EHHADH: variants seen among roughly 807,000 people sequenced by gnomAD.
EHHADH encodes enoyl-CoA hydratase and 3-hydroxyacyl CoA dehydrogenase, also known as peroxisomal bifunctional enzyme.
Under a neutral mutation model 64.4 loss-of-function variants are expected in EHHADH, and 48 were observed. The ratio of observed to expected loss-of-function variants is 0.75; its 90% CI spans 0.59 to 0.95. The LOEUF (loss-of-function observed/expected upper bound fraction) is 0.95. Among genes scored for constraint, EHHADH ranks in the 40% least tolerant of loss-of-function variants. The pLI, the probability that EHHADH is intolerant of heterozygous loss-of-function variation, is 0.00. For synonymous variants in EHHADH, 308 were observed against 326.7 expected, an observed-to-expected ratio of 0.94 and a Z score of 0.62; for missense variants, 854 against 876.6, an observed-to-expected ratio of 0.97 and a Z score of 0.33.
At chr3:185,237,152 T>C (rs1252896789) in intron 2 of EHHADH, among the ~76,000 whole-genome samples, 1 of 152,206 alleles carries the variant, frequency 6.6e-6, no homozygotes, top group African/African-American at 2.4e-5. Context: ...AACAGTGTAG[T>C]GATTTCACTT....
At chr3:185,227,639 A>G (rs1719017836) in intron 4 of EHHADH, among the ~76,000 whole-genome samples, 1 of 151,754 alleles carries the variant, frequency 6.6e-6, no homozygotes, top group Admixed American at 6.6e-5. Flanking sequence ...AAGCCTGACC[A>G]ACATGGAGAA....
chr3:185,241,135 AT>A (rs1377030212), intron 2 of EHHADH, among the ~76,000 whole-genome samples: 1 of 152,162 alleles, frequency 6.6e-6, no homozygotes, highest in African/African-American at 2.4e-5. Flanking sequence ...AATGCTGTTA[AT>A]TCATTCCTTT....
chr3:185,245,104 G>C (rs1719559869), intron 2 of EHHADH, among the ~76,000 whole-genome samples: 1 of 151,806 alleles, frequency 6.6e-6, no homozygotes. Context: ...ATTTCTTCTT[G>C]AGTTAATTTT....
intron 4 of EHHADH, among the ~76,000 whole-genome samples, chr3:185,223,001 T>C (rs1039365424): frequency 1.5e-4 from 23 of 152,192 alleles, no homozygotes; most frequent in African/African-American, 5.3e-4. Flanking sequence ...TCCTCATCAG[T>C]TTTTCCAGGA....
Position 185,214,655 on chromosome 3 carries a change from C to T in EHHADH, c.568+3481G>A, listed in dbSNP as rs189659678. 3.7e-3 allele frequency among the ~76,000 whole-genome samples: 564 copies of T among 152,270 alleles called. 7 individuals carry two copies. Among genetic ancestry groups the T allele is most frequent in the Non-Finnish European group, 3.0e-3 (206 of 68,024 alleles). ...TTATGCAGGTACATATAAGAACACA[C>T]GCACACACTTGTAAAATTTTCTACC... On this transcript the variant is annotated intron_variant, in intron 5 of 6. Coordinates refer to ENST00000231887, the MANE Select transcript of EHHADH (RefSeq NM_001966.4).
intron 6 of EHHADH, among the ~76,000 whole-genome samples, chr3:185,198,165 T>A (rs915264690): frequency 6.6e-6 from 1 of 152,096 alleles, no homozygotes. Flanking sequence ...ATTTTTACCT[T>A]TTTGACAAAC....
At chr3:185,250,569 G>C (rs1719718830) in intron 1 of EHHADH, among the ~76,000 whole-genome samples, 1 of 152,162 alleles carries the variant, frequency 6.6e-6, no homozygotes, top group South Asian at 2.1e-4. Flanking sequence ...TAAAATCTCT[G>C]TTCTTTAGTA....
intron 6 of EHHADH, among the ~76,000 whole-genome samples, chr3:185,195,979 A>T (rs1461306601): frequency 1.3e-5 from 2 of 152,232 alleles, no homozygotes; most frequent in African/African-American, 4.8e-5. Context: ...GATCCAGAAA[A>T]TTGTGTATAT....
chr3:185,192,592 C>T lies in EHHADH; in HGVS notation c.1806G>A (p.Arg602=), dbSNP rs753351055. The T allele has an allele frequency of 1.9e-6, 3 of 1,614,178 alleles. No individual in the cohort carries two copies. The highest frequency in any genetic ancestry group is 2.5e-6 in the Non-Finnish European group (3 of 1,180,026). The change falls in exon 7 of 7, where the codon CGG becomes CGA. Residue 602 remains arginine, a synonymous_variant. Transcript: ENST00000231887. ...PDPWLSKFLS[R]YRKTHHIEPR... is the part of the protein sequence containing the mutation. ...GTTCAATGTGATGGGTTTTTCTATA[C>T]CGTGATAGGAATTTGGAAAGCCAGG...
Position 185,229,534 on chromosome 3 carries a change from C to T in EHHADH, c.361G>A (p.Gly121Ser). The T allele has an allele frequency of 6.4e-7, 1 of 1,564,222 alleles. No homozygotes were observed. Among genetic ancestry groups the T allele is most frequent in the South Asian group, 1.3e-5 (1 of 79,934 alleles). ...AGTCCCAGTGTAACTTCTGGTAAGC[C>T]AACTTGAGCCTATCAAAGATTGAAG... ...YRIAHAEAQV[G>S]LPEVTLGLLP... is the part of the protein sequence containing the mutation. The change falls in exon 4 of 7, where the codon GGC (glycine) becomes AGC (serine). Residue 121 changes from glycine to serine, a missense_variant. By Grantham distance (56) the Gly-to-Ser change is moderately conservative. Transcript: ENST00000231887.
intron 6 of EHHADH, among the ~76,000 whole-genome samples, chr3:185,198,527 G>C (rs1718134511): frequency 6.6e-6 from 1 of 151,910 alleles, no homozygotes; most frequent in Admixed American, 6.6e-5. Flanking sequence ...AGCCGCAGCT[G>C]TACCATTTTA....
In EHHADH at chr3:185,193,145, A is replaced by G. The variant is rs755251645; in HGVS notation, c.1253T>C (p.Ile418Thr). ...GTGAGGACGATCAGTGGAAGAAGCA[A>G]TCTCATCAACATCCAGGGCTGAAGT... ...TNTSALDVDE[I>T]ASSTDRPHLV... The change falls in exon 7 of 7, where the codon ATT (isoleucine) becomes ACT (threonine). Residue 418 changes from isoleucine (I) to threonine (T), a missense_variant. Physicochemically the swap from Ile to Thr is moderately conservative, Grantham distance 89. Coordinates refer to ENST00000231887, the MANE Select transcript of EHHADH (RefSeq NM_001966.4). 5 of 1,613,204 alleles carry G rather than the reference A, an allele frequency of 3.1e-6. No homozygotes were observed. Among genetic ancestry groups the G allele is most frequent in the Non-Finnish European group, 4.2e-6 (5 of 1,179,688 alleles).
At chr3:185,211,966 T>C (rs999759522) in intron 5 of EHHADH, among the ~76,000 whole-genome samples, 2 of 152,234 alleles carry the variant, frequency 1.3e-5, no homozygotes, top group Middle Eastern at 3.4e-3. Flanking sequence ...CCAGGGTTCA[T>C]TACAGAAAGG....
At chr3:185,244,972 T>G (rs898338904) in intron 2 of EHHADH, among the ~76,000 whole-genome samples, 1 of 152,216 alleles carries the variant, frequency 6.6e-6, no homozygotes, top group Non-Finnish European at 1.5e-5. Flanking sequence ...AAAATTGGAA[T>G]ATTTTCCTTG....
intron 1 of EHHADH, among the ~76,000 whole-genome samples, chr3:185,252,398 C>G (rs1719774741): frequency 7.1e-6 from 1 of 140,840 alleles, no homozygotes; most frequent in Non-Finnish European, 1.5e-5. Flanking sequence ...GACTCCGTCT[C>G]AAAACAAGCA....
intron 4 of EHHADH, among the ~76,000 whole-genome samples, chr3:185,228,257 A>AATATGTATATATATAT (rs1719049783): frequency 4.5e-5 from 1 of 21,994 alleles, no homozygotes; most frequent in African/African-American, 1.2e-4. Flanking sequence ...AAAAAAAAAA[A>AATATGTATATATATAT]ATATATATAT....
intron 1 of EHHADH, 55 bp from the exon 2 acceptor site, chr3:185,248,572 T>G: frequency 7.5e-7 from 1 of 1,332,002 alleles, no homozygotes; most frequent in Non-Finnish European, 1.1e-6. Context: ...TTCCTACCAT[T>G]CAGAGTGTTT....
chr3:185,248,865 T>A (rs1039378802), intron 1 of EHHADH, among the ~76,000 whole-genome samples: 7 of 152,212 alleles, frequency 4.6e-5, no homozygotes, highest in African/African-American at 1.7e-4. Context: ...CAAGGAGTTA[T>A]CCAATACTTG....
At position 185,191,743 on chromosome 3, in the gene EHHADH, G is replaced by C. The variant is rs983105386; in HGVS notation, c.*483C>G. ...CACACTAACCTAAGTTCCCTGTGCT[G>C]GTTTGAAGTACTCAGTTCCCTTACC... On this transcript the variant is annotated 3_prime_UTR_variant, in exon 7 of 7. Transcript: ENST00000231887. 1.3e-5 allele frequency: 2 copies of C among 159,652 alleles called. No homozygotes were observed. The highest frequency in any genetic ancestry group is 2.8e-5 in the Non-Finnish European group (2 of 72,686). 9.9% of individuals were successfully genotyped at this position (159,652 alleles called of 1,614,324 possible).
Sources: gnomAD v4.1 joint callset for allele counts (sites outside exome capture counted in the v4.1 genomes callset) on GRCh38, gnomAD v4.1.1 for gene constraint, MANE v1.5 for transcripts, NCBI Gene and HGNC (gene_info 2026-07-23, HGNC 2026-07-21) for gene names.